Variants in PRELID2 observed in about 807,000 individuals in gnomAD.
The protein encoded by PRELID2 is PRELI domain containing 2.
A neutral mutation model predicts 28.4 loss-of-function variants in PRELID2; 25 were observed. The ratio of observed to expected loss-of-function variants is 0.88; its 90% CI spans 0.64 to 1.23. The LOEUF is 1.23. PRELID2 is among the 50% of genes most tolerant of loss of function. The pLI is 0.00. For missense variants in PRELID2, 201 were observed against 214.4 expected (o/e 0.94, Z 0.39); for synonymous variants, 76 against 71.6 (o/e 1.06, Z -0.31).
At chr5:145,235,486 A>G in the PRELID2 span, among the ~76,000 whole-genome samples, 1 of 152,130 alleles carries the variant, frequency 6.6e-6, no homozygotes, top group Non-Finnish European at 1.5e-5. Context: ...GGAAATAGAG[A>G]ATTGGGTGCT....
chr5:145,380,584 G>C, the PRELID2 span, among the ~76,000 whole-genome samples: 221 of 152,242 alleles, frequency 1.5e-3, no homozygotes, highest in African/African-American at 5.3e-3. Flanking sequence ...TTCATAGTAA[G>C]TATGTTTTAT....
chr5:145,811,081 GCAAAAAAAAAAAAA>G (rs1480203563), intron 4 of PRELID2, among the ~76,000 whole-genome samples: 3 of 54,246 alleles, frequency 5.5e-5, no homozygotes, highest in Admixed American at 3.4e-4. Flanking sequence ...ATGGCAGCAG[GCAAAAAAAAAAAAA>G]AAAAAAAAAA....
chr5:145,355,226 A>G, the PRELID2 span, among the ~76,000 whole-genome samples: 1 of 152,158 alleles, frequency 6.6e-6, no homozygotes, highest in African/African-American at 2.4e-5. Context: ...GAAACTTCAA[A>G]ATACAAGGGG....
At chr5:145,252,710 G>A in the PRELID2 span, among the ~76,000 whole-genome samples, 1 of 152,010 alleles carries the variant, frequency 6.6e-6, no homozygotes, top group Non-Finnish European at 1.5e-5. Context: ...GAGGAGAGAG[G>A]AATTGGGAGT....
At chr5:145,250,687 T>C in the PRELID2 span, among the ~76,000 whole-genome samples, 1 of 152,132 alleles carries the variant, frequency 6.6e-6, no homozygotes, top group African/African-American at 2.4e-5. Flanking sequence ...ATACAAACAC[T>C]ATGCAGCAAT....
the PRELID2 span, among the ~76,000 whole-genome samples, chr5:145,373,563 T>C: frequency 3.1e-3 from 33 of 10,508 alleles, 5 homozygotes; most frequent in African/African-American, 0.013. Flanking sequence ...TATATGATAT[T>C]ATATATTACA....
chr5:145,790,721 G>GTGTGTGTGTATATATATATATATA (rs772901344), intron 5 of PRELID2, among the ~76,000 whole-genome samples: 1 of 110,910 alleles, frequency 9.0e-6, no homozygotes, highest in African/African-American at 3.1e-5. Context: ...GTGTGTGTGT[G>GTGTGTGTGTATATATATATATATA]TATATATATA....
the PRELID2 span, among the ~76,000 whole-genome samples, chr5:145,342,451 CAATT>C: frequency 6.6e-6 from 1 of 152,028 alleles, no homozygotes; most frequent in African/African-American, 2.4e-5. Flanking sequence ...AACCAGTAAA[CAATT>C]AAAAATGTAA....
chr5:145,326,782 T>C, the PRELID2 span, among the ~76,000 whole-genome samples: 2 of 151,934 alleles, frequency 1.3e-5, no homozygotes, highest in African/African-American at 4.8e-5. Flanking sequence ...CATAGACCCA[T>C]AGGCAATGAT....
At chr5:145,695,198 A>C (rs1755233256) in intron 1 of PRELID2, among the ~76,000 whole-genome samples, 1 of 152,238 alleles carries the variant, frequency 6.6e-6, no homozygotes, top group Non-Finnish European at 1.5e-5. Flanking sequence ...CCTTTAGAGC[A>C]GTTGGAGATG....
the PRELID2 span, among the ~76,000 whole-genome samples, chr5:145,357,345 G>C: frequency 2.0e-5 from 3 of 152,112 alleles, no homozygotes; most frequent in Admixed American, 6.5e-5. Flanking sequence ...CAATTTGCTT[G>C]ATTTCTCTCC....
chr5:145,268,001 A>G, the PRELID2 span, among the ~76,000 whole-genome samples: 1 of 151,988 alleles, frequency 6.6e-6, no homozygotes, highest in South Asian at 2.1e-4. Flanking sequence ...AAATCAGATA[A>G]TATTTTTATA....
the PRELID2 span, among the ~76,000 whole-genome samples, chr5:145,248,814 G>A: frequency 2.6e-5 from 4 of 151,856 alleles, no homozygotes; most frequent in African/African-American, 9.7e-5. Context: ...AAAAAATCAC[G>A]TAAGTTTTTC....
At chr5:145,597,554 T>C (rs536783117) in intron 1 of PRELID2, among the ~76,000 whole-genome samples, 17 of 152,308 alleles carry the variant, frequency 1.1e-4, no homozygotes, top group African/African-American at 3.8e-4. Flanking sequence ...TGACCATTTT[T>C]AACCTATGAA....
At chr5:145,793,362 G>A (rs1178219573) in intron 5 of PRELID2, among the ~76,000 whole-genome samples, 1 of 152,060 alleles carries the variant, frequency 6.6e-6, no homozygotes, top group Non-Finnish European at 1.5e-5. Context: ...CTACTAAACA[G>A]ACTCAGCAAT....
At chr5:145,389,961 T>C in the PRELID2 span, among the ~76,000 whole-genome samples, 1 of 152,218 alleles carries the variant, frequency 6.6e-6, no homozygotes, top group East Asian at 1.9e-4. Flanking sequence ...TATTCAAATA[T>C]TCAACAAACA....
chr5:145,491,553 A>C (rs1422204077), intron 1 of PRELID2, among the ~76,000 whole-genome samples: 2 of 152,038 alleles, frequency 1.3e-5, no homozygotes, highest in Non-Finnish European at 2.9e-5. Flanking sequence ...TTGTGGTAAC[A>C]CTTAACATAC....
chr5:145,347,300 C>G, the PRELID2 span, among the ~76,000 whole-genome samples: 1 of 152,164 alleles, frequency 6.6e-6, no homozygotes, highest in Non-Finnish European at 1.5e-5. Flanking sequence ...ATGGTACAGC[C>G]ATGTGATCTT....
At chr5:145,452,111 A>C in the PRELID2 span, among the ~76,000 whole-genome samples, 1 of 152,256 alleles carries the variant, frequency 6.6e-6, no homozygotes, top group African/African-American at 2.4e-5. Context: ...ATTCCCAGAC[A>C]TATCCTTCTA....
Sources: gnomAD v4.1 joint callset for allele counts (sites outside exome capture counted in the v4.1 genomes callset) on GRCh38, gnomAD v4.1.1 for gene constraint, MANE v1.5 for transcripts, NCBI Gene and HGNC (gene_info 2026-07-23, HGNC 2026-07-21) for gene names.